Variants in EBF1 observed in about 807,000 individuals in gnomAD.
The protein encoded by EBF1 is EBF transcription factor 1, also known as transcription factor COE1.
EBF1 carries 10 observed loss-of-function variants against 68.4 expected under a neutral mutation model. The observed-to-expected ratio is 0.15, with a 90% CI of 0.09 to 0.25. EBF1 has a LOEUF of 0.25. EBF1 is among the 10% of genes least tolerant of loss of function. The pLI, the probability that EBF1 is intolerant of heterozygous loss-of-function variation, is 1.00. For synonymous variants in EBF1, 298 were observed against 299.8 expected (o/e 0.99, Z 0.06); for missense variants, 509 against 794.4 (o/e 0.64, Z 4.32).
At chr5:158,723,395 A>C (rs1258325910) in intron 11 of EBF1, among the ~76,000 whole-genome samples, 1 of 152,182 alleles carries the variant, frequency 6.6e-6, no homozygotes, top group Non-Finnish European at 1.5e-5. Flanking sequence ...TTAGCAGCGT[A>C]AACACATGCC....
Position 159,021,360 on chromosome 5 carries a change from A to T in EBF1, c.554+52036T>A, listed in dbSNP as rs187097323. Among the ~76,000 whole-genome samples, 465 of 152,328 alleles carry T rather than the reference A, an allele frequency of 3.1e-3. 2 individuals are homozygous for T. Among genetic ancestry groups the T allele is most frequent in the African/African-American group, 0.011 (440 of 41,562 alleles). On this transcript the variant is annotated intron_variant, in intron 6 of 15. Transcript: ENST00000313708. ...TAATGTATGCTGAGGATTATGAATC[A>T]CTCTTCTTTCTTAAAAACGTGGTTT...
chr5:159,004,092 C>A (rs866184804), intron 6 of EBF1, among the ~76,000 whole-genome samples: 1 of 152,092 alleles, frequency 6.6e-6, no homozygotes, highest in Admixed American at 6.5e-5. Flanking sequence ...GCCTGGGCAA[C>A]ATGGTGAAAC....
chr5:158,944,446 G>A (rs930688590), intron 6 of EBF1, among the ~76,000 whole-genome samples: 36 of 152,018 alleles, frequency 2.4e-4, no homozygotes, highest in African/African-American at 8.5e-4. Context: ...TATGTGCCAC[G>A]TTTTCTTTAT....
intron 6 of EBF1, among the ~76,000 whole-genome samples, chr5:158,979,784 TGAAGA>T (rs1193923353): frequency 6.6e-6 from 1 of 152,176 alleles, no homozygotes; most frequent in Non-Finnish European, 1.5e-5. Context: ...TGATTCAAAG[TGAAGA>T]GAAGGCAGTA....
chr5:158,713,223 T>C, intron 12 of EBF1, 76 bp from the exon 13 acceptor site: 1 of 1,249,140 alleles, frequency 8.0e-7, no homozygotes, highest in Non-Finnish European at 1.0e-6. Context: ...CGGTGCCAGG[T>C]ACCGTGCTCA....
At chr5:158,980,859 C>G (rs1391118146) in intron 6 of EBF1, among the ~76,000 whole-genome samples, 4 of 151,896 alleles carry the variant, frequency 2.6e-5, no homozygotes, top group African/African-American at 9.7e-5. Flanking sequence ...CATTTTTTTC[C>G]CCTTGTCTAT....
chr5:158,940,760 A>AC (rs1561573632), intron 6 of EBF1, among the ~76,000 whole-genome samples: 1 of 7,022 alleles, frequency 1.4e-4, no homozygotes, highest in Non-Finnish European at 2.9e-4. Flanking sequence ...CCTTCACCCC[A>AC]CCGCCCCCCC....
At chr5:158,764,509 C>A (rs1324697419) in intron 10 of EBF1, among the ~76,000 whole-genome samples, 1 of 152,138 alleles carries the variant, frequency 6.6e-6, no homozygotes, top group East Asian at 1.9e-4. Context: ...CATCTCACTC[C>A]GTGCTGGGCA....
chr5:159,094,519 T>C (rs1489480083), intron 4 of EBF1, among the ~76,000 whole-genome samples: 1 of 152,198 alleles, frequency 6.6e-6, no homozygotes, highest in Admixed American at 6.5e-5. Flanking sequence ...TAATGTGACA[T>C]TTCTACCACA....
At chr5:159,024,011 G>A (rs551632697) in intron 6 of EBF1, among the ~76,000 whole-genome samples, 3 of 152,084 alleles carry the variant, frequency 2.0e-5, no homozygotes, top group African/African-American at 7.2e-5. Context: ...GATTATTCAA[G>A]CAAGGAAAGA....
At chr5:158,869,552 T>C (rs79886811) in intron 6 of EBF1, among the ~76,000 whole-genome samples, 8,180 of 151,344 alleles carry the variant, frequency 0.054, 293 homozygotes, top group Non-Finnish European at 0.071. Context: ...TCTCTTTTTT[T>C]TCCCTAATTG....
intron 6 of EBF1, among the ~76,000 whole-genome samples, chr5:158,932,028 C>T (rs1486764857): frequency 1.3e-5 from 2 of 152,136 alleles, no homozygotes; most frequent in Non-Finnish European, 2.9e-5. Context: ...CACTCAGCAC[C>T]AGTATGGATA....
At position 158,745,934 on chromosome 5, in the gene EBF1, A is replaced by G. The variant is rs531996554; in HGVS notation, c.1037-14777T>C. On this transcript the variant is annotated intron_variant, in intron 10 of 15. Coordinates refer to ENST00000313708, the MANE Select transcript of EBF1 (RefSeq NM_024007.5). Reference sequence around the variant, plus strand: ...TGCTAGAGAGGCTTTCCTAATTCCCATGGAATAATGTGGGTGAGTGTAGGG... The same window carrying G: ...TGCTAGAGAGGCTTTCCTAATTCCCGTGGAATAATGTGGGTGAGTGTAGGG... Among the ~76,000 whole-genome samples the G allele has an allele frequency of 2.0e-5, 3 of 152,234 alleles. No individual in the cohort carries two copies. The South Asian group carries it at 6.2e-4, about 32-fold the overall frequency.
Position 158,956,754 on chromosome 5 carries a change from C to CTTTT in EBF1, c.554+116638_554+116641dup, listed in dbSNP as rs397883009. 2.2e-3 allele frequency among the ~76,000 whole-genome samples: 243 copies of CTTTT among 112,782 alleles called. 2 individuals are homozygous for CTTTT. Among genetic ancestry groups the CTTTT allele is most frequent in the African/African-American group, 3.3e-3 (89 of 27,206 alleles). 74.0% of individuals were successfully genotyped at this position (112,782 alleles called of 152,430 possible). ...CCCACTACCTCTGCCACCAACACTT[C>CTTTT]TTTTTTTTTTTTTTTTTTTTTTGAG... On this transcript the variant is annotated intron_variant, in intron 6 of 15. Coordinates refer to ENST00000313708, the MANE Select transcript of EBF1 (RefSeq NM_024007.5).
intron 6 of EBF1, chr5:158,986,590 T>C (rs1211580150): frequency 1.3e-5 from 2 of 152,254 alleles, no homozygotes; most frequent in Non-Finnish European, 2.9e-5. Context: ...TTTCATGATG[T>C]TGGCATCAAA....
At chr5:158,811,147 T>A (rs1054426415) in intron 8 of EBF1, among the ~76,000 whole-genome samples, 2 of 151,876 alleles carry the variant, frequency 1.3e-5, no homozygotes, top group Non-Finnish European at 2.9e-5. Flanking sequence ...GCACAGGGAG[T>A]TTGAGATGGG....
At chr5:158,728,520 A>G (rs1763445695) in intron 11 of EBF1, among the ~76,000 whole-genome samples, 1 of 152,164 alleles carries the variant, frequency 6.6e-6, no homozygotes, top group Admixed American at 6.5e-5. Flanking sequence ...TATAAGAAAA[A>G]GAACTGTCTG....
Position 158,752,852 on chromosome 5 carries a change from C to A in EBF1, c.1037-21695G>T, listed in dbSNP as rs1769227654. Among the ~76,000 whole-genome samples the A allele has an allele frequency of 2.0e-5, 3 of 152,052 alleles. No individual in the cohort carries two copies. The South Asian group carries it at 6.2e-4, about 32-fold the overall frequency. ...ACACCACACAGATAATTATAGATGA[C>A]CAGATTGTAACTGTTTTATTGCTTC... On this transcript the variant is annotated intron_variant, in intron 10 of 15. Coordinates refer to ENST00000313708, the MANE Select transcript of EBF1 (RefSeq NM_024007.5).
At chr5:158,901,278 T>G (rs1803255505) in intron 6 of EBF1, among the ~76,000 whole-genome samples, 2 of 152,366 alleles carry the variant, frequency 1.3e-5, no homozygotes, top group South Asian at 2.1e-4. Flanking sequence ...GTAATTGTCC[T>G]CATGTTCACC....
Sources: allele counts gnomAD v4.1 joint callset (sites outside exome capture counted in the v4.1 genomes callset), GRCh38; gene constraint gnomAD v4.1.1; transcripts MANE v1.5; gene names NCBI Gene and HGNC (gene_info 2026-07-23, HGNC 2026-07-21).